LRRC4C: variants seen among roughly 807,000 people sequenced by gnomAD.
The protein encoded by LRRC4C is leucine rich repeat containing 4C.
LRRC4C carries 5 observed loss-of-function variants against 33.6 expected under a neutral mutation model. That is an observed-to-expected ratio of 0.15 (90% CI 0.08 to 0.31). The LOEUF is 0.31. LRRC4C is among the 10% of genes least tolerant of loss of function. The probability of loss-of-function intolerance (pLI) is 1.00; values close to 1 mark genes in which losing one functional copy is unlikely to be tolerated. For missense variants in LRRC4C, 560 were observed against 796.7 expected, an observed-to-expected ratio of 0.70 and a Z score of 3.58; for synonymous variants, 329 against 302.0, an observed-to-expected ratio of 1.09 and a Z score of -0.93.
At chr11:40,429,699 A>G (rs1590707796) in intron 3 of LRRC4C, among the ~76,000 whole-genome samples, 1 of 152,336 alleles carries the variant, frequency 6.6e-6, no homozygotes, top group Non-Finnish European at 1.5e-5. Context: ...TCTTTGAAAT[A>G]CATATTTAGA....
chr11:40,146,239 A>G (rs1179271040), intron 5 of LRRC4C, among the ~76,000 whole-genome samples: 1 of 152,172 alleles, frequency 6.6e-6, no homozygotes, highest in Non-Finnish European at 1.5e-5. Context: ...AAGATAAATG[A>G]CACAAAATAT....
At chr11:41,025,125 A>G (rs1856252664) in intron 1 of LRRC4C, among the ~76,000 whole-genome samples, 1 of 151,588 alleles carries the variant, frequency 6.6e-6, no homozygotes, top group African/African-American at 2.4e-5. Flanking sequence ...AGACAAAACA[A>G]TATTGAAATT....
chr11:40,399,272 G>T (rs1025206639), intron 3 of LRRC4C, among the ~76,000 whole-genome samples: 2 of 151,992 alleles, frequency 1.3e-5, no homozygotes, highest in Non-Finnish European at 2.9e-5. Flanking sequence ...AGCAAAGACT[G>T]GGAACCAACC....
chr11:40,590,791 G>T (rs1414870278), intron 3 of LRRC4C, among the ~76,000 whole-genome samples: 4 of 151,900 alleles, frequency 2.6e-5, no homozygotes, highest in Non-Finnish European at 5.9e-5. Flanking sequence ...AGGCTGCTCG[G>T]GGGTCAGGGG....
rs574848802 is a variant in LRRC4C at position 41,184,773 on chromosome 11, T to G, written c.-495-251050A>C. ...TACCAATTTACTTTATTAGTCCATT[T>G]TCATGCTGCTGATAACTGCATACCT... On this transcript the variant is annotated intron_variant, in intron 1 of 6. Coordinates refer to ENST00000528697, the MANE Select transcript of LRRC4C (RefSeq NM_001258419.2). Among the ~76,000 whole-genome samples the G allele has an allele frequency of 2.6e-5, 4 of 151,738 alleles. No individual in the cohort carries two copies. The South Asian group carries it at 8.4e-4, about 32-fold the overall frequency.
At chr11:41,221,114 A>G (rs1224370359) in intron 1 of LRRC4C, among the ~76,000 whole-genome samples, 1 of 152,004 alleles carries the variant, frequency 6.6e-6, no homozygotes, top group Non-Finnish European at 1.5e-5. Context: ...CCCATTAGTT[A>G]TTTTTTCTGA....
At chr11:40,534,326 T>C (rs1956388089) in intron 3 of LRRC4C, among the ~76,000 whole-genome samples, 1 of 152,142 alleles carries the variant, frequency 6.6e-6, no homozygotes, top group African/African-American at 2.4e-5. Context: ...TCTTATGGCA[T>C]ATATATATGT....
chr11:40,243,687 C>CTT (rs1274780074), intron 4 of LRRC4C, among the ~76,000 whole-genome samples: 120 of 117,162 alleles, frequency 1.0e-3, no homozygotes, highest in South Asian at 1.7e-3. Context: ...AAACTTATAT[C>CTT]TTTTTTTTTT....
At chr11:40,150,750 A>G (rs567867629) in intron 5 of LRRC4C, among the ~76,000 whole-genome samples, 2 of 152,286 alleles carry the variant, frequency 1.3e-5, no homozygotes, top group South Asian at 2.1e-4. Flanking sequence ...CCTGATTTAG[A>G]CTTTCAATCT....
chr11:40,314,630 AAG>A (rs1945484893), intron 4 of LRRC4C, among the ~76,000 whole-genome samples: 1 of 152,180 alleles, frequency 6.6e-6, no homozygotes, highest in African/African-American at 2.4e-5. Flanking sequence ...GGCAATAGCC[AAG>A]GTATGGATTC....
intron 4 of LRRC4C, among the ~76,000 whole-genome samples, chr11:40,310,095 A>G (rs1945228703): frequency 6.6e-6 from 1 of 152,042 alleles, no homozygotes; most frequent in African/African-American, 2.4e-5. Flanking sequence ...GTATCCTCCA[A>G]TCATCCCCCC....
At chr11:40,209,448 G>T (rs961358526) in intron 5 of LRRC4C, among the ~76,000 whole-genome samples, 5 of 152,156 alleles carry the variant, frequency 3.3e-5, no homozygotes, top group African/African-American at 1.2e-4. Context: ...ATCTTGGAGA[G>T]AAAATAATAT....
chr11:40,958,883 G>T (rs1206707192), intron 1 of LRRC4C, among the ~76,000 whole-genome samples: 1 of 151,646 alleles, frequency 6.6e-6, no homozygotes, highest in African/African-American at 2.4e-5. Flanking sequence ...ACATGTCACT[G>T]CTGGGCAAGT....
intron 2 of LRRC4C, among the ~76,000 whole-genome samples, chr11:40,854,743 G>C (rs1953695139): frequency 6.6e-6 from 1 of 150,378 alleles, no homozygotes; most frequent in Non-Finnish European, 1.5e-5. Flanking sequence ...TATGTACATA[G>C]AGTACATTAA....
chr11:40,393,332 A>G (rs1029079247), intron 3 of LRRC4C, among the ~76,000 whole-genome samples: 2 of 152,162 alleles, frequency 1.3e-5, no homozygotes, highest in African/African-American at 2.4e-5. Context: ...TAGGTAGTTA[A>G]TTCAACAATA....
At chr11:41,030,209 C>A (rs1856632737) in intron 1 of LRRC4C, among the ~76,000 whole-genome samples, 1 of 151,854 alleles carries the variant, frequency 6.6e-6, no homozygotes, top group East Asian at 1.9e-4. Flanking sequence ...AAAGGCAGAG[C>A]TGTGCAGAAA....
rs189424142 is a variant in LRRC4C at position 40,485,834 on chromosome 11, G to A, written c.-270+162308C>T. On this transcript the variant is annotated intron_variant, in intron 3 of 6. Coordinates refer to ENST00000528697, the MANE Select transcript of LRRC4C (RefSeq NM_001258419.2). ...ACTGTACAGCCATAAAAAAGAATGA[G>A]ATCATGCCCTTTGCAGTGATATGGA... Among the ~76,000 whole-genome samples the A allele has an allele frequency of 3.0e-3, 457 of 152,120 alleles. 18 individuals carry two copies. The highest frequency in any genetic ancestry group is 0.03 in the Admixed American group (455 of 15,242).
intron 3 of LRRC4C, among the ~76,000 whole-genome samples, chr11:40,363,881 C>G (rs1009738628): frequency 6.6e-6 from 1 of 152,188 alleles, no homozygotes; most frequent in Non-Finnish European, 1.5e-5. Context: ...CTTTACACTT[C>G]TCTAATCGCA....
intron 1 of LRRC4C, among the ~76,000 whole-genome samples, chr11:41,264,790 C>G (rs995650662): frequency 6.6e-6 from 1 of 152,088 alleles, no homozygotes; most frequent in Admixed American, 6.6e-5. Flanking sequence ...TTTTTAGAAA[C>G]AGAGAAAAAT....
Sources: gnomAD v4.1 joint callset for allele counts (sites outside exome capture counted in the v4.1 genomes callset) on GRCh38, gnomAD v4.1.1 for gene constraint, MANE v1.5 for transcripts, NCBI Gene and HGNC (gene_info 2026-07-23, HGNC 2026-07-21) for gene names.